The following PHLPP1 variants were observed in gnomAD, a reference collection of about 807,000 sequenced individuals.
PHLPP1 encodes PH domain leucine-rich repeat-containing protein phosphatase 1.
A neutral mutation model predicts 117.2 loss-of-function variants in PHLPP1; 42 were observed. That is an observed-to-expected ratio of 0.36 (90% CI 0.28 to 0.46). The LOEUF is 0.46. Among genes scored for constraint, PHLPP1 ranks in the 20% least tolerant of loss-of-function variants. PHLPP1 has a pLI of 1.00. For synonymous variants in PHLPP1, 1,042 were observed against 970.7 expected, an observed-to-expected ratio of 1.07 and a Z score of -1.37; for missense variants, 2,084 against 2,241.9, an observed-to-expected ratio of 0.93 and a Z score of 1.42.
intron 1 of PHLPP1, among the ~76,000 whole-genome samples, chr18:62,794,613 G>C (rs1031814059): frequency 2.6e-5 from 4 of 152,092 alleles, no homozygotes; most frequent in African/African-American, 9.7e-5. Flanking sequence ...GGACTCAAGG[G>C]ATCCTCCTGC....
intron 2 of PHLPP1, among the ~76,000 whole-genome samples, chr18:62,835,734 C>T (rs541863942): frequency 5.4e-5 from 8 of 148,862 alleles, no homozygotes; most frequent in Admixed American, 1.3e-4. Flanking sequence ...GTTCTAATTA[C>T]GTTAAACTGT....
chr18:62,842,375 T>A (rs552190129), intron 3 of PHLPP1, among the ~76,000 whole-genome samples: 1 of 151,990 alleles, frequency 6.6e-6, no homozygotes, highest in African/African-American at 2.4e-5. Context: ...AGACTTTTTT[T>A]TTTTTTGAGA....
At chr18:62,826,730 C>T (rs911188967) in intron 1 of PHLPP1, among the ~76,000 whole-genome samples, 2 of 151,980 alleles carry the variant, frequency 1.3e-5, no homozygotes, top group Non-Finnish European at 2.9e-5. Flanking sequence ...CATCCGGGCG[C>T]GGTGGTTCAT....
chr18:62,740,552 A>C (rs1438293690), intron 1 of PHLPP1, among the ~76,000 whole-genome samples: 1 of 152,256 alleles, frequency 6.6e-6, no homozygotes. Context: ...TGCTAAACCT[A>C]TCATGGAAAT....
At position 62,979,168 on chromosome 18, in the gene PHLPP1, G is replaced by A. The variant is rs1196321060; in HGVS notation, c.4891G>A (p.Glu1631Lys). 3 of 1,613,780 alleles carry A rather than the reference G, an allele frequency of 1.9e-6. No homozygotes were observed. The highest frequency in any genetic ancestry group is 4.5e-5 in the East Asian group (2 of 44,882). ...GGCCAATGGCTCTGTTGCGCCCCAG[G>A]AAAGGAGCCACAATGTGATAGAGGT... ...RRANGSVAPQ[E>K]RSHNVIEVAT... Residue 1631 changes from glutamate to lysine, a missense_variant, in exon 17 of 17, where the codon GAA (glutamate) becomes AAA (lysine). Transcript: ENST00000262719.
chr18:62,795,833 A>G (rs904179109), intron 1 of PHLPP1, among the ~76,000 whole-genome samples: 19 of 152,134 alleles, frequency 1.2e-4, no homozygotes, highest in African/African-American at 4.3e-4. Context: ...TGCCTGGATT[A>G]TTGCATAGTT....
rs1170633071 is a variant in PHLPP1 at position 62,978,364 on chromosome 18, A to G, written c.4087A>G (p.Thr1363Ala). The change falls in exon 17 of 17, where the codon ACT (threonine) becomes GCT (alanine). Residue 1363 changes from threonine to alanine, a missense_variant. This residue lies in a region of PHLPP1 where 1,365 missense variants were observed against 1,605.9 expected (regional missense o/e 0.85). Transcript: ENST00000262719. The surrounding 1 kb of genome is among the most constrained non-coding windows in gnomAD (Gnocchi z 7.0). ...CCCCCACGTGCAGTCCGTGCTCCTGACTCCCCAGGATGAGTTCTTCATCCT... is the reference window on the plus strand; with the variant it reads ...CCCCCACGTGCAGTCCGTGCTCCTGGCTCCCCAGGATGAGTTCTTCATCCT... ...PRPHVQSVLL[T>A]PQDEFFILGS... The G allele has an allele frequency of 2.5e-6, 4 of 1,611,528 alleles. No homozygotes were observed. The highest frequency in any genetic ancestry group is 3.4e-6 in the Non-Finnish European group (4 of 1,179,004).
At chr18:62,732,659 T>C (rs1478049913) in intron 1 of PHLPP1, among the ~76,000 whole-genome samples, 1 of 152,244 alleles carries the variant, frequency 6.6e-6, no homozygotes, top group Non-Finnish European at 1.5e-5. Context: ...ATAGCTGCCA[T>C]AGATAGTAAT....
intron 3 of PHLPP1, among the ~76,000 whole-genome samples, chr18:62,849,552 T>G (rs1438848587): frequency 6.8e-6 from 1 of 147,990 alleles, no homozygotes; most frequent in Non-Finnish European, 1.5e-5. Context: ...TTCCAGCTAC[T>G]CAGGAGGCTG....
intron 1 of PHLPP1, among the ~76,000 whole-genome samples, chr18:62,774,767 G>C (rs1157543681): frequency 6.6e-6 from 1 of 151,684 alleles, no homozygotes; most frequent in South Asian, 2.1e-4. Flanking sequence ...CTATAAAAGT[G>C]TTCAAATGTT....
At chr18:62,805,921 A>G (rs1261613132) in intron 1 of PHLPP1, among the ~76,000 whole-genome samples, 3 of 151,826 alleles carry the variant, frequency 2.0e-5, no homozygotes, top group African/African-American at 7.3e-5. Context: ...AATATAAAAT[A>G]TTTCAAAATA....
chr18:62,803,365 C>T (rs1226273335), intron 1 of PHLPP1, among the ~76,000 whole-genome samples: 2 of 152,046 alleles, frequency 1.3e-5, no homozygotes, highest in Non-Finnish European at 2.9e-5. Flanking sequence ...CCGCTTTTCC[C>T]CCTCCTAGTT....
chr18:62,880,833 G>A (rs114238329), intron 4 of PHLPP1, among the ~76,000 whole-genome samples: 177 of 152,168 alleles, frequency 1.2e-3, no homozygotes, highest in African/African-American at 4.2e-3. Flanking sequence ...TAGATCTAGC[G>A]GCTGCTGTTT....
intron 9 of PHLPP1, 32 bp from the exon 10 acceptor site, chr18:62,919,927 C>A: frequency 6.6e-7 from 1 of 1,518,782 alleles, no homozygotes; most frequent in Non-Finnish European, 8.9e-7. Context: ...TACTCTTTTT[C>A]ATTTTTTGGT....
At chr18:62,876,712 G>A (rs1286862245) in intron 4 of PHLPP1, among the ~76,000 whole-genome samples, 3 of 152,240 alleles carry the variant, frequency 2.0e-5, no homozygotes, top group Non-Finnish European at 4.4e-5. Context: ...CACTTAGAAT[G>A]ATTATTGATC....
chr18:62,965,695 G>A (rs1184559803), intron 14 of PHLPP1, among the ~76,000 whole-genome samples: 2 of 151,224 alleles, frequency 1.3e-5, no homozygotes, highest in Non-Finnish European at 2.9e-5. Context: ...CTGACCTCAG[G>A]TGATCCACCT....
chr18:62,850,638 G>T (rs1003954921), intron 3 of PHLPP1, among the ~76,000 whole-genome samples: 1 of 152,086 alleles, frequency 6.6e-6, no homozygotes, highest in Admixed American at 6.6e-5. Flanking sequence ...TCTGAGTTCA[G>T]ATTTGATCTC....
chr18:62,962,841 A>G (rs1158661384), intron 13 of PHLPP1, among the ~76,000 whole-genome samples: 1 of 152,126 alleles, frequency 6.6e-6, no homozygotes, highest in Non-Finnish European at 1.5e-5. Flanking sequence ...ACCCGTGAGG[A>G]GAGTATTGGA....
chr18:62,980,362 G>A lies in PHLPP1; in HGVS notation c.*931G>A, dbSNP rs933035149. 2.0e-5 allele frequency: 3 copies of A among 152,496 alleles called. No individual in the cohort carries two copies. The highest frequency in any genetic ancestry group is 2.9e-5 in the Non-Finnish European group (2 of 68,020). The allele number at this position is 152,496 out of a possible 1,614,324, so 9.4% of individuals were successfully genotyped here. On this transcript the variant is annotated 3_prime_UTR_variant, in exon 17 of 17. Transcript: ENST00000262719. Reference sequence around the variant, plus strand: ...CCATTAGGCCATTTACATACCCAGAGTTATACTCAAGCAGAATGCACAAAT... The same window carrying A: ...CCATTAGGCCATTTACATACCCAGAATTATACTCAAGCAGAATGCACAAAT...
Sources: gnomAD v4.1 joint callset for allele counts (sites outside exome capture counted in the v4.1 genomes callset) on GRCh38, gnomAD v4.1.1 for gene constraint, gnomAD v4.1.1 regional missense constraint, Gnocchi (gnomAD v3.1) non-coding constraint, MANE v1.5 for transcripts, NCBI Gene and HGNC (gene_info 2026-07-23, HGNC 2026-07-21) for gene names.